Variants in AGAP4 observed in about 807,000 individuals in gnomAD.
AGAP4 encodes ArfGAP with GTPase domain, ankyrin repeat and PH domain 4, also known as arf-GAP with GTPase, ANK repeat and PH domain-containing protein 4.
Under a neutral mutation model 60.7 loss-of-function variants are expected in AGAP4, and 13 were observed. The ratio of observed to expected loss-of-function variants is 0.21; its 90% CI spans 0.14 to 0.34. AGAP4 has a LOEUF of 0.34. Among genes scored for constraint, AGAP4 ranks in the 10% least tolerant of loss-of-function variants. The pLI, the probability that AGAP4 is intolerant of heterozygous loss-of-function variation, is 1.00. For missense variants in AGAP4, 169 were observed against 884.0 expected (o/e 0.19, Z 10.26); for synonymous variants, 70 against 339.0 (o/e 0.21, Z 8.72).
intron 5 of AGAP4, 109 bp from the exon 6 acceptor site, chr10:45,831,538 ATCT>A (rs1411670395): frequency 2.1e-6 from 2 of 969,632 alleles, no homozygotes; most frequent in African/African-American, 3.2e-5. Context: ...TGAAATTCAA[ATCT>A]TCTAGTTCAG....
intron 4 of AGAP4, among the ~76,000 whole-genome samples, chr10:45,834,946 T>A (rs1395799371): frequency 6.8e-6 from 1 of 147,166 alleles, no homozygotes; most frequent in East Asian, 2.0e-4. Flanking sequence ...GCTAACTTTT[T>A]GTGTTTTTAG....
intron 2 of AGAP4, chr10:45,844,611 C>T: frequency 6.2e-6 from 3 of 482,862 alleles, no homozygotes; most frequent in South Asian, 6.4e-5. Context: ...TCACTTGAAC[C>T]CAGGTCAGGA....
At position 45,834,454 on chromosome 10, in the gene AGAP4, T is replaced by C. The variant is rs1269459136; in HGVS notation, c.397-338A>G. ...ACTTTGGGAGGTGGAGGCGGGCGGA[T>C]CACGAGGTCAAGAGATCGAGACCAT... On this transcript the variant is annotated intron_variant, in intron 4 of 7. Transcript: ENST00000616763. Among the ~76,000 whole-genome samples, 5 of 137,622 alleles carry C rather than the reference T, an allele frequency of 3.6e-5. 1 individual carries two copies. Among genetic ancestry groups the C allele is most frequent in the Admixed American group, 3.5e-4 (5 of 14,190 alleles). 90.3% of individuals were successfully genotyped at this position (137,622 alleles called of 152,430 possible).
At chr10:45,846,186 T>C (rs1361426375) in intron 2 of AGAP4, among the ~76,000 whole-genome samples, 1 of 151,746 alleles carries the variant, frequency 6.6e-6, no homozygotes, top group Non-Finnish European at 1.5e-5. Context: ...GTAAGAACTT[T>C]AACAGAAAAG....
intron 1 of AGAP4, among the ~76,000 whole-genome samples, chr10:45,853,007 C>T (rs2059102894): frequency 1.3e-5 from 2 of 152,020 alleles, no homozygotes; most frequent in African/African-American, 4.8e-5. Flanking sequence ...CAAGAATAAT[C>T]ACAATAAAGT....
upstream of AGAP4, chr10:45,854,140 G>A (rs1338910034): frequency 4.6e-6 from 1 of 218,792 alleles, no homozygotes; most frequent in African/African-American, 2.3e-5. Context: ...GCCAGTTGCT[G>A]TGAGGGATTT....
At chr10:45,830,458 C>T (rs1425849455) in intron 6 of AGAP4, among the ~76,000 whole-genome samples, 1 of 112,634 alleles carries the variant, frequency 8.9e-6, no homozygotes, top group Non-Finnish European at 1.9e-5. Flanking sequence ...AGGTGTGAAC[C>T]ACTGCGCCCC....
intron 2 of AGAP4, among the ~76,000 whole-genome samples, chr10:45,846,472 CT>C (rs2059001091): frequency 6.6e-6 from 1 of 151,794 alleles, no homozygotes; most frequent in African/African-American, 2.4e-5. Context: ...TAGGAACTGT[CT>C]TGAGATTTGG....
upstream of AGAP4, among the ~76,000 whole-genome samples, chr10:45,852,227 A>AC: frequency 6.8e-6 from 1 of 146,046 alleles, no homozygotes; most frequent in Admixed American, 6.8e-5. Flanking sequence ...TAAAAAAAAA[A>AC]AAAAAAAAAA....
chr10:45,844,565 G>C (rs1357969233), intron 2 of AGAP4, 171 bp from the exon 3 acceptor site: 22 of 1,166,432 alleles, frequency 1.9e-5, no homozygotes, highest in Non-Finnish European at 2.4e-5. Flanking sequence ...GCACATGCTT[G>C]TAGTCCCAGC....
intron 3 of AGAP4, among the ~76,000 whole-genome samples, chr10:45,843,465 G>C (rs1174629237): frequency 7.4e-6 from 1 of 135,866 alleles, no homozygotes; most frequent in African/African-American, 3.0e-5. Context: ...GAAAATCTTT[G>C]AGCCAATTAA....
upstream of AGAP4, among the ~76,000 whole-genome samples, chr10:45,850,007 T>G (rs1280693435): frequency 6.6e-6 from 1 of 151,406 alleles, no homozygotes; most frequent in African/African-American, 2.4e-5. Context: ...CACTGCAACC[T>G]CCACCTCCTG....
At position 45,844,403 on chromosome 10, in the gene AGAP4, A is replaced by G. The variant is rs1554899138; in HGVS notation, c.293-9T>C. On this transcript the variant is annotated splice_polypyrimidine_tract_variant and intron_variant, in intron 2 of 7. Transcript: ENST00000616763. ...AGGGTTAAACTCCAAAGCTATATGC[A>G]TAGAGGAAGAAAAGAAAAAAAGATG... 2.5e-6 allele frequency: 4 copies of G among 1,594,042 alleles called. No homozygotes were observed. In the South Asian group the frequency reaches 3.3e-5, roughly 13 times the overall value.
exon 1 of AGAP4, chr10:45,853,739 A>G: frequency 7.8e-7 from 1 of 1,287,994 alleles, no homozygotes; most frequent in Non-Finnish European, 1.0e-6. Flanking sequence ...AGCAGCCAAC[A>G]GGTCTGGAGA....
At chr10:45,853,903 A>G (rs2059111558), upstream of AGAP4, 14 of 1,189,012 alleles carry the variant, frequency 1.2e-5, no homozygotes, top group Non-Finnish European at 1.3e-5. Flanking sequence ...TCATGATCCC[A>G]GGCAGCAGTA....
intron 6 of AGAP4, among the ~76,000 whole-genome samples, chr10:45,830,276 G>A (rs1384419458): frequency 2.1e-5 from 3 of 141,560 alleles, no homozygotes; most frequent in African/African-American, 5.2e-5. Context: ...AGGCTCAAGC[G>A]ATTCTCCTGC....
At chr10:45,842,656 G>A (rs1438582914) in intron 3 of AGAP4, among the ~76,000 whole-genome samples, 26 of 146,638 alleles carry the variant, frequency 1.8e-4, no homozygotes, top group Non-Finnish European at 3.1e-4. Context: ...CCCCAAGAGG[G>A]ACTTGGGCCA....
upstream of AGAP4, among the ~76,000 whole-genome samples, chr10:45,852,217 T>TAAAA (rs781889843): frequency 1.5e-4 from 14 of 91,710 alleles, 1 homozygote; most frequent in African/African-American, 6.0e-4. Context: ...GGCCAGACTT[T>TAAAA]AAAAAAAAAA....
At chr10:45,844,276 A>C in intron 3 of AGAP4, 50 bp downstream of exon 3, 3 of 1,593,204 alleles carry the variant, frequency 1.9e-6, no homozygotes, top group Admixed American at 3.3e-5. Flanking sequence ...AACCTGATCA[A>C]ACAAGAGCTT....
Sources: gnomAD v4.1 joint callset for allele counts (sites outside exome capture counted in the v4.1 genomes callset) on GRCh38, gnomAD v4.1.1 for gene constraint, MANE v1.5 for transcripts, NCBI Gene and HGNC (gene_info 2026-07-23, HGNC 2026-07-21) for gene names.